CSMD3: variants seen among roughly 807,000 people sequenced by gnomAD.
The protein encoded by CSMD3 is CUB and Sushi multiple domains 3.
In CSMD3, 177 loss-of-function variants were observed where a neutral mutation model predicts 435.2. The ratio of observed to expected loss-of-function variants is 0.41; its 90% CI spans 0.36 to 0.46. The LOEUF (loss-of-function observed/expected upper bound fraction) is 0.46. Ranked by LOEUF, CSMD3 falls within the 20% of genes least tolerant of loss-of-function variation. The pLI is 0.34. For synonymous variants in CSMD3, 1,656 were observed against 1,520.5 expected (o/e 1.09, Z -2.07); for missense variants, 4,265 against 4,504.6 (o/e 0.95, Z 1.52).
intron 32 of CSMD3, among the ~76,000 whole-genome samples, chr8:112,450,914 T>A (rs980787643): frequency 1.1e-4 from 17 of 152,278 alleles, no homozygotes; most frequent in Non-Finnish European, 1.3e-4. Context: ...AGGAATCTAG[T>A]CTAGAAACAA....
At chr8:113,375,858 A>T (rs2094379072) in intron 1 of CSMD3, among the ~76,000 whole-genome samples, 1 of 152,192 alleles carries the variant, frequency 6.6e-6, no homozygotes, top group Non-Finnish European at 1.5e-5. Context: ...GGTTTTTATA[A>T]TTACTTAAAG....
At chr8:112,886,233 T>A (rs931342980) in intron 10 of CSMD3, among the ~76,000 whole-genome samples, 1 of 151,668 alleles carries the variant, frequency 6.6e-6, no homozygotes, top group Non-Finnish European at 1.5e-5. Flanking sequence ...AGTAAAAAAA[T>A]TGTTTGACAT....
At chr8:113,173,579 C>T in intron 4 of CSMD3, 143 bp downstream of exon 4, 1 of 717,636 alleles carries the variant, frequency 1.4e-6, no homozygotes, top group Non-Finnish European at 2.5e-6. Flanking sequence ...ACCTCAGCCT[C>T]CCAAAGTGCT....
chr8:112,251,198 C>T (rs1442862837), intron 63 of CSMD3, among the ~76,000 whole-genome samples: 2 of 151,518 alleles, frequency 1.3e-5, no homozygotes, highest in African/African-American at 2.4e-5. Context: ...GTCTCAAAAA[C>T]GTATATGCTT....
At chr8:112,240,472 A>G in intron 66 of CSMD3, among the ~76,000 whole-genome samples, 1 of 151,896 alleles carries the variant, frequency 6.6e-6, no homozygotes, top group East Asian at 1.9e-4. Context: ...GTTTTCGACA[A>G]GTGTTGAATG....
chr8:112,877,668 A>C (rs905432944), intron 10 of CSMD3, among the ~76,000 whole-genome samples: 2 of 152,118 alleles, frequency 1.3e-5, no homozygotes, highest in African/African-American at 4.8e-5. Flanking sequence ...TTCAAACTAT[A>C]ACTACAAGGT....
intron 59 of CSMD3, among the ~76,000 whole-genome samples, chr8:112,272,915 T>C (rs1294312849): frequency 6.6e-6 from 1 of 152,172 alleles, no homozygotes; most frequent in Non-Finnish European, 1.5e-5. Context: ...GGGGTGTTAG[T>C]AACTTTTTGC....
At chr8:113,046,186 C>T (rs2087820892) in intron 5 of CSMD3, among the ~76,000 whole-genome samples, 2 of 148,900 alleles carry the variant, frequency 1.3e-5, no homozygotes, top group African/African-American at 4.9e-5. Flanking sequence ...ACGACTGTCT[C>T]AGTCAGGCTG....
intron 24 of CSMD3, among the ~76,000 whole-genome samples, chr8:112,569,487 G>T (rs1829325545): frequency 6.6e-6 from 1 of 152,034 alleles, no homozygotes; most frequent in African/African-American, 2.4e-5. Flanking sequence ...ATAATAAATG[G>T]ACCAATAAGA....
chr8:113,086,019 C>T (rs557282923), intron 5 of CSMD3, among the ~76,000 whole-genome samples: 11 of 152,042 alleles, frequency 7.2e-5, no homozygotes, highest in East Asian at 1.9e-4. Flanking sequence ...AGGTGGATCA[C>T]GAGGTCAGGA....
intron 63 of CSMD3, 49 bp from the exon 64 acceptor site, chr8:112,247,180 T>C (rs199675193): frequency 4.9e-5 from 56 of 1,136,584 alleles, no homozygotes; most frequent in Non-Finnish European, 7.3e-5. Context: ...CAACTTCAAA[T>C]ATGGCAACAA....
At chr8:112,676,198 T>C (rs2075766327) in intron 16 of CSMD3, among the ~76,000 whole-genome samples, 1 of 152,048 alleles carries the variant, frequency 6.6e-6, no homozygotes, top group Non-Finnish European at 1.5e-5. Flanking sequence ...TAAGTCTACA[T>C]TTCAGGGCAG....
intron 45 of CSMD3, among the ~76,000 whole-genome samples, chr8:112,334,705 C>T (rs557737789): frequency 7.9e-5 from 12 of 152,220 alleles, no homozygotes; most frequent in Admixed American, 2.0e-4. Context: ...CTCTGTGAAA[C>T]CTTCTGAATG....
Position 113,346,399 on chromosome 8 carries a change from T to A in CSMD3, c.179-31606A>T, listed in dbSNP as rs1265666788. Among the ~76,000 whole-genome samples, 3 of 152,230 alleles carry A rather than the reference T, an allele frequency of 2.0e-5. No homozygotes were observed. In the East Asian group the frequency reaches 5.8e-4, roughly 29 times the overall value. ...AACTTAAAAAATCTGGAATGGCAGT[T>A]CAAAAAGCAATTAAAATTGAGGAAT... On this transcript the variant is annotated intron_variant, in intron 1 of 70. Transcript: ENST00000297405.
intron 12 of CSMD3, among the ~76,000 whole-genome samples, chr8:112,813,480 A>C (rs1246111892): frequency 6.6e-6 from 1 of 152,126 alleles, no homozygotes; most frequent in Admixed American, 6.6e-5. Flanking sequence ...AATTGGGAGG[A>C]TAGATAAGGC....
chr8:112,572,055 C>T (rs927938947), intron 24 of CSMD3, among the ~76,000 whole-genome samples: 9 of 151,536 alleles, frequency 5.9e-5, no homozygotes, highest in Admixed American at 1.3e-4. Context: ...AAAAAGTTTG[C>T]CCATCTGAGC....
intron 32 of CSMD3, among the ~76,000 whole-genome samples, chr8:112,466,007 C>T (rs1447334298): frequency 2.7e-5 from 4 of 150,258 alleles, no homozygotes; most frequent in South Asian, 2.1e-4. Context: ...CTGTTCTTTT[C>T]GATTGCTCCA....
At chr8:113,376,817 G>C (rs2094386830) in intron 1 of CSMD3, 1 of 1,613,678 alleles carries the variant, frequency 6.2e-7, no homozygotes, top group Admixed American at 1.7e-5. Flanking sequence ...GTGCTGAAGA[G>C]GTTGTTTATG....
chr8:112,926,240 ATG>A (rs71309796), intron 9 of CSMD3, among the ~76,000 whole-genome samples: 68 of 150,390 alleles, frequency 4.5e-4, no homozygotes, highest in African/African-American at 1.9e-4. Flanking sequence ...CTCATTAAAT[ATG>A]TGTGTGTGTG....
Sources: allele counts gnomAD v4.1 joint callset (sites outside exome capture counted in the v4.1 genomes callset), GRCh38; gene constraint gnomAD v4.1.1; transcripts MANE v1.5; gene names NCBI Gene and HGNC (gene_info 2026-07-23, HGNC 2026-07-21).